Variants in OR56A3 observed in about 807,000 individuals in gnomAD.
OR56A3 encodes the protein olfactory receptor 56A3.
Under a neutral mutation model 17.5 loss-of-function variants are expected in OR56A3, and 23 were observed. The observed-to-expected ratio is 1.32, with a 90% CI of 0.95 to 1.87. The LOEUF is 1.87. Ranked by LOEUF, OR56A3 falls within the 40% of genes most tolerant of loss-of-function variation. The pLI, the probability that OR56A3 is intolerant of heterozygous loss-of-function variation, is 0.00. For missense variants in OR56A3, 366 were observed against 380.1 expected, an observed-to-expected ratio of 0.96 and a Z score of 0.31; for synonymous variants, 175 against 150.6, an observed-to-expected ratio of 1.16 and a Z score of -1.19.
chr11:5,975,261 G>T, the OR56A3 span, among the ~76,000 whole-genome samples: 3 of 152,234 alleles, frequency 2.0e-5, no homozygotes, highest in Non-Finnish European at 4.4e-5. Context: ...CAACGTGCAG[G>T]TTTGTCACAT....
chr11:6,017,881 C>T, the OR56A3 span, among the ~76,000 whole-genome samples: 1 of 152,106 alleles, frequency 6.6e-6, no homozygotes, highest in Admixed American at 6.5e-5. Flanking sequence ...ATATTTCATG[C>T]AAATTGAAAC....
chr11:5,998,510 G>A, the OR56A3 span, among the ~76,000 whole-genome samples: 132 of 152,252 alleles, frequency 8.7e-4, no homozygotes, highest in African/African-American at 3.2e-3. Flanking sequence ...CAAGGGAAGG[G>A]ACTATCACTC....
chr11:6,021,055 A>T, the OR56A3 span: 1 of 152,126 alleles, frequency 6.6e-6, no homozygotes, highest in Non-Finnish European at 1.5e-5. Context: ...AATAAACATC[A>T]TTAAGTAGAA....
the OR56A3 span, among the ~76,000 whole-genome samples, chr11:5,983,962 A>G: frequency 2.0e-5 from 3 of 152,176 alleles, no homozygotes; most frequent in African/African-American, 7.2e-5. Context: ...ACAGCCACTC[A>G]CTGTTTTGCA....
chr11:5,965,452 T>G, the OR56A3 span, among the ~76,000 whole-genome samples: 1 of 152,198 alleles, frequency 6.6e-6, no homozygotes, highest in Non-Finnish European at 1.5e-5. Flanking sequence ...TAAGCAGGCT[T>G]AGGTTCTATG....
At chr11:5,974,557 A>G in the OR56A3 span, among the ~76,000 whole-genome samples, 3,343 of 152,312 alleles carry the variant, frequency 0.022, 51 homozygotes, top group South Asian at 0.04. Context: ...TATTGATGAG[A>G]ATGTGGATAA....
At chr11:6,016,890 G>A in the OR56A3 span, 1 of 150,850 alleles carries the variant, frequency 6.6e-6, no homozygotes, top group African/African-American at 2.4e-5. Flanking sequence ...AAACACAATA[G>A]AGTTTCAACA....
the OR56A3 span, among the ~76,000 whole-genome samples, chr11:6,009,479 C>T: frequency 6.6e-6 from 1 of 152,124 alleles, no homozygotes; most frequent in African/African-American, 2.4e-5. Flanking sequence ...AAGTATTTTA[C>T]ATGTGTATTC....
At chr11:5,991,451 A>G in the OR56A3 span, among the ~76,000 whole-genome samples, 3 of 152,240 alleles carry the variant, frequency 2.0e-5, no homozygotes, top group African/African-American at 7.2e-5. Flanking sequence ...GTCACATTTC[A>G]TAGAAGAGCC....
At chr11:5,968,023 G>C in the OR56A3 span, 3 of 1,597,482 alleles carry the variant, frequency 1.9e-6, no homozygotes, top group Non-Finnish European at 1.7e-6. Context: ...GGCATAGTAA[G>C]AAGGCCATTC....
At chr11:6,014,828 G>C in the OR56A3 span, among the ~76,000 whole-genome samples, 2 of 151,762 alleles carry the variant, frequency 1.3e-5, no homozygotes, top group Non-Finnish European at 2.9e-5. Flanking sequence ...CTGGCGTAAA[G>C]GTCACCTTTG....
chr11:5,957,194 T>A, the OR56A3 span, among the ~76,000 whole-genome samples: 11 of 152,266 alleles, frequency 7.2e-5, no homozygotes, highest in East Asian at 2.1e-3. Flanking sequence ...AATTAGTGGC[T>A]TATAGCACTT....
chr11:5,984,293 G>A, the OR56A3 span, among the ~76,000 whole-genome samples: 1 of 152,156 alleles, frequency 6.6e-6, no homozygotes, highest in African/African-American at 2.4e-5. Context: ...GAAGATCTGA[G>A]ATGAAAAACG....
the OR56A3 span, chr11:6,001,976 A>G: frequency 7.0e-7 from 1 of 1,428,930 alleles, no homozygotes; most frequent in Non-Finnish European, 9.4e-7. Context: ...CCTTTCCAAC[A>G]TAAAATTAAT....
the OR56A3 span, among the ~76,000 whole-genome samples, chr11:5,969,786 C>G: frequency 6.6e-6 from 1 of 152,068 alleles, no homozygotes; most frequent in Non-Finnish European, 1.5e-5. Context: ...CCAGAGGAGG[C>G]AAAGGACATC....
At chr11:6,002,136 A>G in the OR56A3 span, 26 of 1,613,940 alleles carry the variant, frequency 1.6e-5, no homozygotes, top group Admixed American at 3.3e-5. Context: ...AGCTGGGGGA[A>G]TGAGGTGGTG....
chr11:6,003,007 T>C, the OR56A3 span: 2 of 1,614,118 alleles, frequency 1.2e-6, no homozygotes, highest in Non-Finnish European at 1.7e-6. Context: ...AGTTTCCTGA[T>C]CAATCTGGAG....
At chr11:5,958,962 C>T in the OR56A3 span, among the ~76,000 whole-genome samples, 1 of 152,118 alleles carries the variant, frequency 6.6e-6, no homozygotes, top group Admixed American at 6.5e-5. Context: ...GAGAAGATTC[C>T]ATTATTTTTG....
the OR56A3 span, chr11:5,994,369 G>C: frequency 5.7e-6 from 4 of 703,690 alleles, no homozygotes; most frequent in South Asian, 4.1e-5. Flanking sequence ...TACTTGTCCA[G>C]CTTCTCTCTG....
Sources: gnomAD v4.1 joint callset for allele counts (sites outside exome capture counted in the v4.1 genomes callset) on GRCh38, gnomAD v4.1.1 for gene constraint, MANE v1.5 for transcripts, NCBI Gene and HGNC (gene_info 2026-07-23, HGNC 2026-07-21) for gene names.